The following RBFOX1 variants were observed in gnomAD, a reference collection of about 807,000 sequenced individuals.
The protein encoded by RBFOX1 is RNA binding fox-1 homolog 1.
In RBFOX1, 8 loss-of-function variants were observed where a neutral mutation model predicts 57.7. The observed-to-expected ratio is 0.14, with a 90% CI of 0.08 to 0.25. RBFOX1 has a LOEUF of 0.25. Ranked by LOEUF, RBFOX1 falls within the 10% of genes least tolerant of loss-of-function variation. RBFOX1 has a pLI of 1.00. For missense variants in RBFOX1, 611 were observed against 548.5 expected, an observed-to-expected ratio of 1.11 and a Z score of -1.14; for synonymous variants, 326 against 222.4, an observed-to-expected ratio of 1.47 and a Z score of -4.15.
At chr16:6,625,215 A>G (rs973574821) in intron 2 of RBFOX1, among the ~76,000 whole-genome samples, 2 of 146,654 alleles carry the variant, frequency 1.4e-5, no homozygotes, top group Non-Finnish European at 3.0e-5. Flanking sequence ...GGGGAGTGGC[A>G]CACCCCCAAA....
At chr16:7,082,876 GATTA>G (rs576621372) in intron 4 of RBFOX1, among the ~76,000 whole-genome samples, 85 of 152,264 alleles carry the variant, frequency 5.6e-4, no homozygotes, top group Non-Finnish European at 9.7e-4. Flanking sequence ...CTGATAACTG[GATTA>G]ATTATTTTAA....
At position 5,974,959 on chromosome 16, in the gene RBFOX1, G is replaced by A. The variant is rs371531848; in HGVS notation, c.351+107624G>A. 2.6e-5 allele frequency among the ~76,000 whole-genome samples: 4 copies of A among 152,208 alleles called. No individual in the cohort carries two copies. The East Asian group carries it at 7.8e-4, about 30-fold the overall frequency. On this transcript the variant is annotated intron_variant, in intron 4 of 19. Transcript: ENST00000641259. ...GGAGACGGAGGTTGCGGTGAGCAGA[G>A]AACACGCCTTTGCACTCCAGCCTGG...
intron 4 of RBFOX1, among the ~76,000 whole-genome samples, chr16:7,385,040 C>T (rs892880046): frequency 2.6e-5 from 4 of 152,188 alleles, no homozygotes; most frequent in African/African-American, 9.6e-5. Context: ...AGGAAAATAC[C>T]CTAAGAGGAG....
chr16:7,455,233 T>C (rs1008914109), intron 4 of RBFOX1, among the ~76,000 whole-genome samples: 1 of 152,212 alleles, frequency 6.6e-6, no homozygotes, highest in Non-Finnish European at 1.5e-5. Flanking sequence ...AAATAAGTGG[T>C]GGTTTTATTT....
At chr16:7,402,481 G>A (rs1212465706) in intron 4 of RBFOX1, among the ~76,000 whole-genome samples, 6 of 152,128 alleles carry the variant, frequency 3.9e-5, no homozygotes, top group South Asian at 2.1e-4. Context: ...AATTTCTGCC[G>A]AGAGATAGGA....
intron 4 of RBFOX1, among the ~76,000 whole-genome samples, chr16:7,445,706 G>T (rs2098802608): frequency 1.3e-5 from 2 of 152,182 alleles, no homozygotes; most frequent in African/African-American, 4.8e-5. Flanking sequence ...TACTGTTGTT[G>T]TTGTGTGGTT....
chr16:7,247,146 A>T (rs1436921202), intron 4 of RBFOX1, among the ~76,000 whole-genome samples: 1 of 152,052 alleles, frequency 6.6e-6, no homozygotes, highest in Non-Finnish European at 1.5e-5. Context: ...CTTTGGAGGG[A>T]ACTCTGGTCC....
chr16:5,693,413 C>T (rs527361307), intron 3 of RBFOX1, among the ~76,000 whole-genome samples: 1 of 150,826 alleles, frequency 6.6e-6, no homozygotes, highest in South Asian at 2.1e-4. Flanking sequence ...AATCAAAACA[C>T]TGCAATGGAT....
chr16:7,378,716 A>T (rs1240744345), intron 4 of RBFOX1, among the ~76,000 whole-genome samples: 1 of 152,120 alleles, frequency 6.6e-6, no homozygotes, highest in Non-Finnish European at 1.5e-5. Context: ...GCATCCGCCA[A>T]ACCCTGGTGA....
At chr16:6,910,452 G>T (rs2071274161) in intron 3 of RBFOX1, among the ~76,000 whole-genome samples, 1 of 152,146 alleles carries the variant, frequency 6.6e-6, no homozygotes, top group Admixed American at 6.5e-5. Context: ...TAAAATCAAG[G>T]ACTTGGCTCT....
At chr16:7,169,909 A>T (rs1403511391) in intron 4 of RBFOX1, among the ~76,000 whole-genome samples, 1 of 151,904 alleles carries the variant, frequency 6.6e-6, no homozygotes, top group Non-Finnish European at 1.5e-5. Context: ...TATCTCTACA[A>T]AAAAAATAAA....
intron 2 of RBFOX1, among the ~76,000 whole-genome samples, chr16:6,494,028 C>G (rs1270817141): frequency 6.6e-6 from 1 of 152,090 alleles, no homozygotes; most frequent in Non-Finnish European, 1.5e-5. Context: ...ACTTTCATTC[C>G]TCATCTGCAT....
intron 4 of RBFOX1, among the ~76,000 whole-genome samples, chr16:7,197,739 C>G (rs2087103443): frequency 2.0e-5 from 3 of 152,172 alleles, no homozygotes; most frequent in African/African-American, 7.2e-5. Context: ...GAACGTTATT[C>G]AACAGTAAAA....
intron 3 of RBFOX1, among the ~76,000 whole-genome samples, chr16:6,779,701 A>G (rs1158225629): frequency 8.3e-6 from 1 of 121,062 alleles, no homozygotes; most frequent in African/African-American, 3.2e-5. Flanking sequence ...TTATTTATTT[A>G]TATATATATT....
At chr16:6,837,211 C>T (rs942965418) in intron 3 of RBFOX1, among the ~76,000 whole-genome samples, 2 of 152,338 alleles carry the variant, frequency 1.3e-5, no homozygotes, top group African/African-American at 4.8e-5. Context: ...AGGTAACATA[C>T]AAACTGTGGA....
chr16:6,258,676 A>G (rs2097683657), intron 1 of RBFOX1, among the ~76,000 whole-genome samples: 1 of 152,200 alleles, frequency 6.6e-6, no homozygotes, highest in Non-Finnish European at 1.5e-5. Context: ...TAAGCAGGAT[A>G]ATTGTTTAAA....
intron 3 of RBFOX1, among the ~76,000 whole-genome samples, chr16:6,681,751 G>A (rs1053106257): frequency 8.6e-5 from 13 of 151,158 alleles, no homozygotes; most frequent in Admixed American, 6.6e-4. Context: ...ATAATTAATA[G>A]ACATAACCAC....
At chr16:6,877,167 A>G (rs1031381527) in intron 3 of RBFOX1, among the ~76,000 whole-genome samples, 4 of 152,192 alleles carry the variant, frequency 2.6e-5, no homozygotes, top group East Asian at 1.9e-4. Context: ...ATGAAAAAAG[A>G]TATCTTATTT....
chr16:7,172,716 A>G (rs1301718152), intron 4 of RBFOX1, among the ~76,000 whole-genome samples: 2 of 152,198 alleles, frequency 1.3e-5, no homozygotes, highest in African/African-American at 2.4e-5. Flanking sequence ...ACACACAATG[A>G]TGAGTTCACC....
Sources: allele counts gnomAD v4.1 joint callset (sites outside exome capture counted in the v4.1 genomes callset), GRCh38; gene constraint gnomAD v4.1.1; transcripts MANE v1.5; gene names NCBI Gene and HGNC (gene_info 2026-07-23, HGNC 2026-07-21).